Variants in WFDC8 observed in about 807,000 individuals in gnomAD.
WFDC8 encodes WAP four-disulfide core domain protein 8.
In WFDC8, 24 loss-of-function variants were observed where a neutral mutation model predicts 27.0. The ratio of observed to expected loss-of-function variants is 0.89; its 90% CI spans 0.64 to 1.25. WFDC8 has a LOEUF of 1.25. Among genes scored for constraint, WFDC8 ranks in the 50% most tolerant of loss-of-function variants. The pLI, the probability that WFDC8 is intolerant of heterozygous loss-of-function variation, is 0.00. For missense variants in WFDC8, 287 were observed against 295.9 expected, an observed-to-expected ratio of 0.97 and a Z score of 0.22; for synonymous variants, 106 against 99.7, an observed-to-expected ratio of 1.06 and a Z score of -0.38.
chr20:45,577,842 A>C (rs972509818), intron 1 of WFDC8, among the ~76,000 whole-genome samples: 3 of 149,358 alleles, frequency 2.0e-5, no homozygotes, highest in African/African-American at 7.3e-5. Flanking sequence ...CCCTGTCTCT[A>C]CTAAAAATAC....
At chr20:45,553,311 C>T in intron 4 of WFDC8, 35 bp from the exon 5 acceptor site, 1 of 1,591,756 alleles carries the variant, frequency 6.3e-7, no homozygotes, top group Non-Finnish European at 8.6e-7. Context: ...TCTTAAAACC[C>T]CACCCCCATC....
chr20:45,555,940 T>A, intron 3 of WFDC8, 72 bp from the exon 4 acceptor site: 1 of 1,468,570 alleles, frequency 6.8e-7, no homozygotes, highest in South Asian at 1.2e-5. Flanking sequence ...TCCCTAGCAT[T>A]TCTCATAACT....
rs1465053211 is a variant in WFDC8 at position 45,566,606 on chromosome 20, TG to T, written c.27-4388del. Among the ~76,000 whole-genome samples the T allele has an allele frequency of 2.0e-5, 3 of 152,272 alleles. No homozygotes were observed. The East Asian group carries it at 5.8e-4, about 29-fold the overall frequency. ...TGAACTTGGGAGGCTGAGGTTGCAG[TG>T]AGCCAGGATTGCACCACTGCACTCC... On this transcript the variant is annotated intron_variant, in intron 1 of 5. Transcript: ENST00000289953.
intron 3 of WFDC8, among the ~76,000 whole-genome samples, chr20:45,558,453 G>C (rs1256454224): frequency 6.6e-6 from 1 of 152,168 alleles, no homozygotes; most frequent in Non-Finnish European, 1.5e-5. Flanking sequence ...AAAACACACA[G>C]TTCCCCGCAC....
chr20:45,554,140 C>A (rs192306843), intron 4 of WFDC8, among the ~76,000 whole-genome samples: 2 of 148,024 alleles, frequency 1.4e-5, no homozygotes, highest in Non-Finnish European at 3.0e-5. Context: ...ACCATAGGCA[C>A]GTGACACCAT....
intron 1 of WFDC8, among the ~76,000 whole-genome samples, chr20:45,569,172 G>A (rs1980783572): frequency 6.6e-6 from 1 of 152,184 alleles, no homozygotes; most frequent in Admixed American, 6.5e-5. Flanking sequence ...TAAAGACCCA[G>A]GTCTTACCTC....
At chr20:45,557,086 T>G (rs998484968) in intron 3 of WFDC8, among the ~76,000 whole-genome samples, 1 of 152,110 alleles carries the variant, frequency 6.6e-6, no homozygotes, top group Non-Finnish European at 1.5e-5. Flanking sequence ...GGCCAATTGA[T>G]CAACAGAAAG....
chr20:45,568,179 T>C (rs1980746953), intron 1 of WFDC8: 4 of 290,026 alleles, frequency 1.4e-5, no homozygotes, highest in African/African-American at 2.2e-5. Flanking sequence ...CACAGAAAAT[T>C]TGGAGTTGTT....
At chr20:45,562,014 G>A (rs1980488542) in intron 2 of WFDC8, 96 bp downstream of exon 2, 1 of 1,120,790 alleles carries the variant, frequency 8.9e-7, no homozygotes, top group East Asian at 2.6e-5. Context: ...CCACAGTAGA[G>A]GGGGCCTCAT....
chr20:45,560,338 C>T (rs1980421154), intron 2 of WFDC8, among the ~76,000 whole-genome samples: 1 of 152,194 alleles, frequency 6.6e-6, no homozygotes, highest in Non-Finnish European at 1.5e-5. Context: ...ACAGTGCATC[C>T]CAAATGAGAA....
rs6130860 is a variant in WFDC8 at position 45,576,222 on chromosome 20, G to C, written c.26+3000C>G. Among the ~76,000 whole-genome samples the C allele has an allele frequency of 2.2e-3, 326 of 150,780 alleles. 9 individuals are homozygous for C. In the East Asian group the frequency reaches 0.044, roughly 20 times the overall value. Reference sequence around the variant, plus strand: ...CAATGATTGAGAAAGGTGTGTCAAGGGCCCTCAATACAGCCATAGATTTCT... The same window carrying C: ...CAATGATTGAGAAAGGTGTGTCAAGCGCCCTCAATACAGCCATAGATTTCT... On this transcript the variant is annotated intron_variant, in intron 1 of 5. Transcript: ENST00000289953.
chr20:45,569,798 ATGGTAGAC>A (rs1383819198), intron 1 of WFDC8, among the ~76,000 whole-genome samples: 1 of 152,186 alleles, frequency 6.6e-6, no homozygotes, highest in Non-Finnish European at 1.5e-5. Flanking sequence ...ATGTCCATCA[ATGGTAGAC>A]TGGATAAAGA....
chr20:45,556,645 C>T (rs1028867016), intron 3 of WFDC8, among the ~76,000 whole-genome samples: 9 of 152,098 alleles, frequency 5.9e-5, no homozygotes, highest in African/African-American at 1.9e-4. Flanking sequence ...AAGAGCTCAA[C>T]GTCAACCATT....
intron 2 of WFDC8, 36 bp from the exon 3 acceptor site, chr20:45,559,028 G>T: frequency 6.2e-7 from 1 of 1,610,486 alleles, no homozygotes; most frequent in Non-Finnish European, 8.5e-7. Flanking sequence ...ACATTCTTTC[G>T]GAATTTCAGC....
At position 45,562,196 on chromosome 20, in the gene WFDC8, G is replaced by A. The variant is rs1256924155; in HGVS notation, c.50C>T (p.Thr17Ile). 20 of 1,614,048 alleles carry A rather than the reference G, an allele frequency of 1.2e-5. No homozygotes were observed. The highest frequency in any genetic ancestry group is 1.7e-5 in the Non-Finnish European group (20 of 1,180,008). Residue 17 changes from threonine to isoleucine, a missense_variant, in exon 2 of 6, where the codon ACC becomes ATC. Transcript: ENST00000289953. ...EGGHFPLHSP[T>I]FSWRNVAFLL... ...GAAAGCTACATTCCTCCAGGAGAAG[G>A]TGGGGCTATGGAGAGGAAAGTGCCT...
chr20:45,576,524 C>G (rs993723426), intron 1 of WFDC8, among the ~76,000 whole-genome samples: 2 of 151,252 alleles, frequency 1.3e-5, no homozygotes, highest in Non-Finnish European at 3.0e-5. Context: ...CTCGGCCTCC[C>G]AAGGAGCTGG....
chr20:45,576,445 G>A (rs1366323386), intron 1 of WFDC8, among the ~76,000 whole-genome samples: 4 of 150,956 alleles, frequency 2.6e-5, no homozygotes, highest in Non-Finnish European at 1.5e-5. Flanking sequence ...TTTCTCCCAG[G>A]GCGGAGCGCA....
chr20:45,574,593 GA>G (rs1980981555), intron 1 of WFDC8, among the ~76,000 whole-genome samples: 1 of 152,136 alleles, frequency 6.6e-6, no homozygotes, highest in East Asian at 1.9e-4. Context: ...CTAGGCGTTC[GA>G]GACCAGCCTG....
Position 45,558,971 on chromosome 20 carries a change from T to C in WFDC8, c.158A>G (p.Lys53Arg), listed in dbSNP as rs531927708. 1.2e-6 allele frequency: 2 copies of C among 1,614,176 alleles called. No homozygotes were observed. Among genetic ancestry groups the C allele is most frequent in the South Asian group, 2.2e-5 (2 of 91,070 alleles). Reference sequence around the variant, plus strand: ...TTCAGTGGTACAGGTGAGCCTCTCTTTGGGACATAACCCTGGTTTGTCTGC... The same window carrying C: ...TTCAGTGGTACAGGTGAGCCTCTCTCTGGGACATAACCCTGGTTTGTCTGC... The part of the protein sequence containing the change: ...KIKHKPGLCP[K>R]ERLTCTTELP... The change falls in exon 3 of 6, where the codon AAA becomes AGA. Residue 53 changes from lysine to arginine, a missense_variant. Lys to Arg is a conservative substitution (Grantham distance 26). Transcript: ENST00000289953.
Sources: gnomAD v4.1 joint callset for allele counts (sites outside exome capture counted in the v4.1 genomes callset) on GRCh38, gnomAD v4.1.1 for gene constraint, MANE v1.5 for transcripts, NCBI Gene and HGNC (gene_info 2026-07-23, HGNC 2026-07-21) for gene names.